The following SCN11A variants were observed in gnomAD, a reference collection of about 807,000 sequenced individuals.
SCN11A encodes sodium voltage-gated channel alpha subunit 11.
In SCN11A, 122 loss-of-function variants were observed where a neutral mutation model predicts 162.2. The observed-to-expected ratio is 0.75, with a 90% CI of 0.65 to 0.87. SCN11A has a LOEUF of 0.87. Ranked by LOEUF, SCN11A falls within the 40% of genes least tolerant of loss-of-function variation. SCN11A has a pLI of 0.00. For missense variants in SCN11A, 2,015 were observed against 2,181.6 expected (o/e 0.92, Z 1.52); for synonymous variants, 758 against 751.5 (o/e 1.01, Z -0.14).
At chr3:38,984,530 GAC>G (rs1355511302) in intron 2 of SCN11A, among the ~76,000 whole-genome samples, 4 of 150,262 alleles carry the variant, frequency 2.7e-5, no homozygotes, top group Non-Finnish European at 4.4e-5. Context: ...TTTTTTTTGA[GAC>G]AAAGCCACAC....
At chr3:38,925,566 A>G in intron 8 of SCN11A, 57 bp from the exon 9 acceptor site, 1 of 1,212,212 alleles carries the variant, frequency 8.2e-7, no homozygotes, top group Non-Finnish European at 1.2e-6. Flanking sequence ...GCTGCACTGC[A>G]CATCTCCACA....
At chr3:38,896,809 T>TC (rs546784878) in intron 18 of SCN11A, 36 bp downstream of exon 18, 2 of 881,838 alleles carry the variant, frequency 2.3e-6, no homozygotes, top group Middle Eastern at 6.6e-4. Context: ...ATGTAGGATC[T>TC]TTTTTTTTTT....
At chr3:38,884,847 A>C (rs1279966435) in intron 21 of SCN11A, among the ~76,000 whole-genome samples, 2 of 152,246 alleles carry the variant, frequency 1.3e-5, no homozygotes, top group African/African-American at 2.4e-5. Context: ...AGGTTAACTA[A>C]ATTGAACAAG....
At chr3:39,045,410 C>T (rs1452658806) in intron 1 of SCN11A, among the ~76,000 whole-genome samples, 2 of 152,078 alleles carry the variant, frequency 1.3e-5, no homozygotes, top group East Asian at 3.9e-4. Context: ...ATTAGCAAAC[C>T]AGATCCAACA....
chr3:38,899,630 T>C (rs1005633762), intron 17 of SCN11A, among the ~76,000 whole-genome samples: 9 of 152,122 alleles, frequency 5.9e-5, no homozygotes, highest in African/African-American at 1.7e-4. Flanking sequence ...GTCCTCACAC[T>C]GGGAGACACA....
intron 28 of SCN11A, among the ~76,000 whole-genome samples, chr3:38,862,788 A>G (rs1447338437): frequency 6.6e-6 from 1 of 152,108 alleles, no homozygotes; most frequent in Non-Finnish European, 1.5e-5. Context: ...CACTGGGTAC[A>G]GTGTACACTG....
chr3:38,883,285 C>T lies in SCN11A; in HGVS notation c.3167G>A (p.Ser1056Asn), dbSNP rs746797246. ...RKTCYQIVKH[S>N]WFESFIIFVI... ...AAAGATAATAAAGCTCTCAAACCAG[C>T]TGTGTTTCACTATTTGGTAGCAGGT... is the stretch of plus-strand genomic sequence containing the variant. Residue 1056 changes from serine to asparagine, a missense_variant, in exon 22 of 30, where the codon AGC becomes AAC. Physicochemically the swap from Ser to Asn is conservative, Grantham distance 46. Transcript: ENST00000302328. The T allele has an allele frequency of 1.2e-6, 2 of 1,614,016 alleles. No homozygotes were observed. The highest frequency in any genetic ancestry group is 1.1e-5 in the South Asian group (1 of 91,070).
At chr3:38,863,341 T>C in intron 27 of SCN11A, 42 bp from the exon 28 acceptor site, 1 of 989,172 alleles carries the variant, frequency 1.0e-6, no homozygotes. Flanking sequence ...TAACAGTTTT[T>C]TTTTTAATCT....
intron 7 of SCN11A, among the ~76,000 whole-genome samples, chr3:38,933,827 C>T (rs1371412853): frequency 6.6e-6 from 1 of 152,192 alleles, no homozygotes; most frequent in African/African-American, 2.4e-5. Context: ...AGAACTTCCC[C>T]AATCTAGAAA....
chr3:38,901,458 G>T (rs906161680), intron 16 of SCN11A, among the ~76,000 whole-genome samples: 6 of 152,054 alleles, frequency 3.9e-5, no homozygotes, highest in Non-Finnish European at 8.8e-5. Flanking sequence ...ATCTCCTTTA[G>T]GCTTTAGGCA....
chr3:38,949,976 G>A, intron 5 of SCN11A, 120 bp downstream of exon 5: 1 of 666,424 alleles, frequency 1.5e-6, no homozygotes, highest in Non-Finnish European at 2.5e-6. Context: ...CAGCAAAGAA[G>A]AGGCACAGCC....
At chr3:39,013,262 G>A (rs775288554) in intron 2 of SCN11A, among the ~76,000 whole-genome samples, 2 of 152,084 alleles carry the variant, frequency 1.3e-5, no homozygotes, top group African/African-American at 2.4e-5. Context: ...CTTTTTCTTG[G>A]CAGGTATAAC....
rs1033907173 is a variant in SCN11A at position 38,846,549 on chromosome 3, A to G, written c.*145T>C. 4.7e-6 allele frequency: 3 copies of G among 640,228 alleles called. No individual in the cohort carries two copies. In the African/African-American group the frequency reaches 5.5e-5, roughly 12 times the overall value. 39.7% of individuals were successfully genotyped at this position (640,228 alleles called of 1,614,324 possible). ...AAGTATTATTTAAAATGAAATTGAA[A>G]TATCATTTATTTTAGCCAGAAAAGA... On this transcript the variant is annotated 3_prime_UTR_variant, in exon 30 of 30. Transcript: ENST00000302328.
At chr3:38,964,897 A>G (rs1346576020) in intron 2 of SCN11A, among the ~76,000 whole-genome samples, 1 of 152,252 alleles carries the variant, frequency 6.6e-6, no homozygotes, top group African/African-American at 2.4e-5. Flanking sequence ...AGGCATAACC[A>G]CCAAGTCTTC....
intron 4 of SCN11A, among the ~76,000 whole-genome samples, chr3:38,953,066 T>G (rs2066640995): frequency 6.6e-6 from 1 of 152,146 alleles, no homozygotes; most frequent in African/African-American, 2.4e-5. Context: ...TTGTTGTTGT[T>G]GTTGTTTTTT....
intron 1 of SCN11A, among the ~76,000 whole-genome samples, chr3:39,050,833 GTTTACAATTACA>G (rs2032334275): frequency 6.6e-6 from 1 of 152,288 alleles, no homozygotes; most frequent in African/African-American, 2.4e-5. Context: ...TTTGGGGGTA[GTTTACAATTACA>G]TATCTCAACT....
At chr3:38,946,700 A>G (rs1389957545) in intron 6 of SCN11A, 89 bp downstream of exon 6, 1 of 818,168 alleles carries the variant, frequency 1.2e-6, no homozygotes, top group African/African-American at 1.7e-5. Flanking sequence ...AGAATTAGCT[A>G]TTTGCTTCCA....
At chr3:39,041,199 C>T (rs1305769125) in intron 1 of SCN11A, among the ~76,000 whole-genome samples, 1 of 152,082 alleles carries the variant, frequency 6.6e-6, no homozygotes, top group Admixed American at 6.6e-5. Flanking sequence ...GCCTACAGTA[C>T]TTACAGGACA....
intron 11 of SCN11A, among the ~76,000 whole-genome samples, chr3:38,912,000 A>G: frequency 6.6e-6 from 1 of 152,060 alleles, no homozygotes; most frequent in East Asian, 1.9e-4. Context: ...TAATCAGAGG[A>G]CCTGACAAGC....
Sources: gnomAD v4.1 joint callset for allele counts (sites outside exome capture counted in the v4.1 genomes callset) on GRCh38, gnomAD v4.1.1 for gene constraint, MANE v1.5 for transcripts, NCBI Gene and HGNC (gene_info 2026-07-23, HGNC 2026-07-21) for gene names.